The following STPG2 variants were observed in gnomAD, a reference collection of about 807,000 sequenced individuals.
The protein encoded by STPG2 is sperm-tail PG-rich repeat-containing protein 2.
Under a neutral mutation model 54.2 loss-of-function variants are expected in STPG2, and 56 were observed. That is an observed-to-expected ratio of 1.03 (90% CI 0.83 to 1.29). The LOEUF (loss-of-function observed/expected upper bound fraction) is 1.29. Among genes scored for constraint, STPG2 ranks in the 50% most tolerant of loss-of-function variants. The pLI is 0.00. For missense variants in STPG2, 596 were observed against 544.9 expected (o/e 1.09, Z -0.93); for synonymous variants, 200 against 181.8 (o/e 1.10, Z -0.81).
chr4:97,973,779 C>T (rs1734415031), intron 6 of STPG2, among the ~76,000 whole-genome samples: 1 of 151,924 alleles, frequency 6.6e-6, no homozygotes, highest in South Asian at 2.1e-4. Context: ...CAAGCCCAAG[C>T]CTTGGCAGCT....
At chr4:98,130,243 T>C (rs952363853) in intron 2 of STPG2, among the ~76,000 whole-genome samples, 5 of 151,618 alleles carry the variant, frequency 3.3e-5, no homozygotes, top group Non-Finnish European at 7.4e-5. Context: ...TGGCATGATC[T>C]TGGCTCACTG....
intron 9 of STPG2, among the ~76,000 whole-genome samples, chr4:97,798,133 G>C (rs1290852488): frequency 6.6e-6 from 1 of 152,042 alleles, no homozygotes; most frequent in Non-Finnish European, 1.5e-5. Flanking sequence ...CAAAAAACTA[G>C]CTCCTGGATT....
At chr4:97,780,805 C>A (rs112967932) in intron 9 of STPG2, among the ~76,000 whole-genome samples, 2,510 of 151,484 alleles carry the variant, frequency 0.017, 63 homozygotes, top group African/African-American at 0.058. Flanking sequence ...CTACATGGAA[C>A]CTGAACAACC....
In STPG2 at chr4:97,535,256, G is replaced by T. The variant is rs1578369090; in HGVS notation, c.462+177443C>A. ...TGGTAAATTCCCACTAAAAATTTAT[G>T]AATATTCCAGTTGCTCTGCAGCTCT... On this transcript the variant is annotated intron_variant, in intron 4 of 4. Transcript: ENST00000522676. Among the ~76,000 whole-genome samples the T allele has an allele frequency of 3.3e-5, 5 of 152,244 alleles. 1 individual carries two copies. The highest frequency in any genetic ancestry group is 3.3e-4 in the Admixed American group (5 of 15,274).
At chr4:98,003,729 T>G (rs1735485795) in intron 5 of STPG2, among the ~76,000 whole-genome samples, 2 of 152,126 alleles carry the variant, frequency 1.3e-5, no homozygotes, top group Admixed American at 1.3e-4. Context: ...CATTTATTCA[T>G]TATCCATACT....
Position 97,663,856 on chromosome 4 carries a change from A to G in STPG2, c.1320+48843T>C, listed in dbSNP as rs79677786. 1.7e-3 allele frequency among the ~76,000 whole-genome samples: 260 copies of G among 152,316 alleles called. 5 individuals carry two copies. In the East Asian group the frequency reaches 0.049, roughly 29 times the overall value. On this transcript the variant is annotated intron_variant, in intron 10 of 10. Transcript: ENST00000295268. ...GCCAAATGATGAATTTGTAATCTTA[A>G]AATTTGACACAAATTCTATAGTTAA...
At chr4:97,901,292 C>T (rs1298141761) in intron 8 of STPG2, among the ~76,000 whole-genome samples, 1 of 151,788 alleles carries the variant, frequency 6.6e-6, no homozygotes, top group African/African-American at 2.4e-5. Context: ...GACAAAGATG[C>T]CCACTTTGCC....
intron 4 of STPG2, among the ~76,000 whole-genome samples, chr4:98,108,179 G>A (rs1739240430): frequency 6.6e-6 from 1 of 151,982 alleles, no homozygotes; most frequent in Admixed American, 6.6e-5. Flanking sequence ...CAGTAGCAGG[G>A]GAGTCCAAGC....
intron 10 of STPG2, among the ~76,000 whole-genome samples, chr4:97,600,159 A>G (rs1365723054): frequency 6.6e-6 from 1 of 152,212 alleles, no homozygotes; most frequent in Admixed American, 6.5e-5. Flanking sequence ...TACCTGGGTT[A>G]TGAAAGAATC....
intron 10 of STPG2, among the ~76,000 whole-genome samples, chr4:97,584,355 T>A (rs1448494902): frequency 6.6e-6 from 1 of 151,822 alleles, no homozygotes; most frequent in African/African-American, 2.4e-5. Flanking sequence ...ACAAAACTTA[T>A]CAAAACCTCT....
intron 8 of STPG2, among the ~76,000 whole-genome samples, chr4:97,865,250 AAAAC>A (rs1195830018): frequency 6.6e-6 from 1 of 152,166 alleles, no homozygotes; most frequent in Non-Finnish European, 1.5e-5. Context: ...TTACAAGAAA[AAAAC>A]AAACAACCCC....
intron 8 of STPG2, among the ~76,000 whole-genome samples, chr4:97,932,741 T>C (rs1386221073): frequency 6.6e-6 from 1 of 152,172 alleles, no homozygotes; most frequent in African/African-American, 2.4e-5. Context: ...GTATATATAA[T>C]ACATTTTCTT....
At chr4:97,779,700 A>C (rs904373086) in intron 9 of STPG2, among the ~76,000 whole-genome samples, 7 of 152,354 alleles carry the variant, frequency 4.6e-5, no homozygotes, top group Middle Eastern at 6.8e-3. Flanking sequence ...AGTTACCCAC[A>C]AATGGAAGTC....
At chr4:97,770,803 C>T (rs758087486) in intron 9 of STPG2, among the ~76,000 whole-genome samples, 2 of 152,082 alleles carry the variant, frequency 1.3e-5, no homozygotes, top group Non-Finnish European at 2.9e-5. Flanking sequence ...ATGGAATTGT[C>T]GCTATTGAGA....
intron 7 of STPG2, among the ~76,000 whole-genome samples, chr4:97,955,325 C>G (rs1453479577): frequency 6.6e-6 from 1 of 151,904 alleles, no homozygotes; most frequent in Non-Finnish European, 1.5e-5. Flanking sequence ...CGCCATTCTC[C>G]TGCCTCAGCC....
chr4:97,879,998 C>T (rs970405520), intron 8 of STPG2, among the ~76,000 whole-genome samples: 2 of 152,116 alleles, frequency 1.3e-5, no homozygotes, highest in African/African-American at 2.4e-5. Flanking sequence ...TATCTGCATG[C>T]CCATGCTTTT....
chr4:97,855,743 G>A (rs1729314711), intron 8 of STPG2, among the ~76,000 whole-genome samples: 1 of 152,042 alleles, frequency 6.6e-6, no homozygotes, highest in Admixed American at 6.6e-5. Context: ...CTTTGTCCAT[G>A]CCTGTGTCCT....
At chr4:97,635,895 G>A (rs949583247) in intron 10 of STPG2, among the ~76,000 whole-genome samples, 2 of 152,052 alleles carry the variant, frequency 1.3e-5, no homozygotes, top group Non-Finnish European at 2.9e-5. Context: ...AACAATGGGA[G>A]ACTTTAACAC....
chr4:97,974,269 G>A (rs371312015), intron 6 of STPG2, among the ~76,000 whole-genome samples: 43 of 152,048 alleles, frequency 2.8e-4, no homozygotes, highest in African/African-American at 9.4e-4. Context: ...GTTTACCCAA[G>A]GCCTGTACCC....
Sources: allele counts gnomAD v4.1 joint callset (sites outside exome capture counted in the v4.1 genomes callset), GRCh38; gene constraint gnomAD v4.1.1; transcripts MANE v1.5; gene names NCBI Gene and HGNC (gene_info 2026-07-23, HGNC 2026-07-21).